Variants in DNA2 observed in about 807,000 individuals in gnomAD.
DNA2 encodes the protein DNA replication ATP-dependent helicase/nuclease DNA2.
A neutral mutation model predicts 119.1 loss-of-function variants in DNA2; 101 were observed. The ratio of observed to expected loss-of-function variants is 0.85; its 90% CI spans 0.72 to 1.00. The LOEUF is 1.00. Ranked by LOEUF, DNA2 falls within the 50% of genes least tolerant of loss-of-function variation. DNA2 has a pLI of 0.00. For missense variants in DNA2, 1,121 were observed against 1,255.5 expected (o/e 0.89, Z 1.62); for synonymous variants, 366 against 424.4 (o/e 0.86, Z 1.69).
At chr10:68,465,908 C>A (rs2052321389) in intron 3 of DNA2, 96 bp from the exon 4 acceptor site, 5 of 1,136,030 alleles carry the variant, frequency 4.4e-6, no homozygotes, top group Non-Finnish European at 5.7e-6. Context: ...AGCCAAAATG[C>A]ACTGGTAAGA....
chr10:68,424,575 T>C (rs2051711196), intron 14 of DNA2: 1 of 989,006 alleles, frequency 1.0e-6, no homozygotes, highest in Non-Finnish European at 1.6e-6. Context: ...GTTCAATCCC[T>C]TCGTGAACTT....
At chr10:68,447,466 G>A (rs893357954) in intron 6 of DNA2, among the ~76,000 whole-genome samples, 35 of 135,564 alleles carry the variant, frequency 2.6e-4, no homozygotes, top group African/African-American at 9.3e-4. Context: ...GCACTGAGTC[G>A]AAATCGTGCC....
chr10:68,449,905 C>T (rs2052094901), intron 6 of DNA2, 123 bp downstream of exon 6: 11 of 663,936 alleles, frequency 1.7e-5, no homozygotes, highest in South Asian at 1.2e-4. Flanking sequence ...ACCCAGGAGG[C>T]GGAGCTTTCA....
intron 8 of DNA2, among the ~76,000 whole-genome samples, chr10:68,444,672 C>T (rs1446473483): frequency 2.1e-5 from 3 of 144,748 alleles, no homozygotes; most frequent in African/African-American, 2.6e-5. Context: ...TGTGGTGAGC[C>T]GAGATTGCAC....
rs1345406663 is a variant in DNA2, at chr10:68,431,889, T to C, written c.1956A>G (p.Thr652=). 4 of 1,613,352 alleles carry C rather than the reference T, an allele frequency of 2.5e-6. No homozygotes were observed. The highest frequency in any genetic ancestry group is 2.5e-6 in the Non-Finnish European group (3 of 1,179,548). The change falls in exon 13 of 21, where the codon ACA becomes ACG. Residue 652 remains threonine (T), a synonymous_variant. Coordinates refer to ENST00000358410, the MANE Select transcript of DNA2 (RefSeq NM_001080449.3). ...DYTLIVGMPG[T]GKTTTICTLV... ...GAGTACATATCGTAGTTGTTTTTCC[T>C]GTCCCAGGCATACCCACGATGAGTG...
chr10:68,457,391 T>C (rs1387947421), intron 5 of DNA2, among the ~76,000 whole-genome samples: 1 of 152,154 alleles, frequency 6.6e-6, no homozygotes, highest in African/African-American at 2.4e-5. Context: ...GTTCACTACT[T>C]CATTTCCTTT....
In DNA2 at chr10:68,450,114, G is replaced by A. The variant is rs755554183; in HGVS notation, c.853C>T (p.His285Tyr). 1.2e-6 allele frequency: 2 copies of A among 1,605,042 alleles called. No individual in the cohort carries two copies. The highest frequency in any genetic ancestry group is 1.3e-5 in the African/African-American group (1 of 74,790). The change falls in exon 6 of 21, where the codon CAT becomes TAT. Residue 285 changes from histidine to tyrosine, a missense_variant. Transcript: ENST00000358410. ...KIDVTVGVKI[H>Y]RGYKTKYKIM... ...TTGTATTTTGTTTTATACCCTCGAT[G>A]TATTTTCACACCAACTGTAACATCT...
upstream of DNA2, chr10:68,472,068 T>A (rs751450216): frequency 6.3e-7 from 1 of 1,589,524 alleles, no homozygotes; most frequent in Non-Finnish European, 8.6e-7. Flanking sequence ...GCAGCAGGGC[T>A]CTGTCCCCTG....
chr10:68,437,637 CA>C (rs1226775191), intron 9 of DNA2, among the ~76,000 whole-genome samples: 2 of 143,046 alleles, frequency 1.4e-5, no homozygotes, highest in African/African-American at 5.5e-5. Context: ...ACAACAAGAG[CA>C]AAACCACCTC....
chr10:68,456,342 A>G (rs10998190), intron 5 of DNA2, among the ~76,000 whole-genome samples: 21,360 of 152,226 alleles, frequency 0.14, 2,169 homozygotes, highest in African/African-American at 0.28. Context: ...ATCCAGGCTC[A>G]TTATATCATT....
At chr10:68,432,617 A>T in intron 10 of DNA2, 107 bp from the exon 11 acceptor site, 3 of 706,706 alleles carry the variant, frequency 4.2e-6, no homozygotes, top group Non-Finnish European at 7.3e-6. Flanking sequence ...ATAGCTATTA[A>T]AATAGCTACC....
intron 4 of DNA2, among the ~76,000 whole-genome samples, chr10:68,461,706 T>C (rs2052261012): frequency 6.6e-6 from 1 of 151,492 alleles, no homozygotes; most frequent in Non-Finnish European, 1.5e-5. Context: ...TGCATGCCTG[T>C]AATCCCAGCT....
rs549572229 is a variant in DNA2, at chr10:68,414,178, A to G, written c.*861T>C. ...TAACACTCATTAAAAAAAACCCTCA[A>G]GAGAAATGGAAGATTTCCAAGCCCC... On this transcript the variant is annotated 3_prime_UTR_variant, in exon 21 of 21. Coordinates refer to ENST00000358410, the MANE Select transcript of DNA2 (RefSeq NM_001080449.3). 2.0e-5 allele frequency: 3 copies of G among 152,066 alleles called. No individual in the cohort carries two copies. The highest frequency in any genetic ancestry group is 4.2e-4 in the South Asian group (2 of 4,818). 9.4% of individuals were successfully genotyped at this position (152,066 alleles called of 1,614,324 possible).
intron 7 of DNA2, among the ~76,000 whole-genome samples, 157 bp from the exon 8 acceptor site, chr10:68,445,240 G>A (rs1455375894): frequency 2.0e-5 from 3 of 152,158 alleles, no homozygotes; most frequent in African/African-American, 7.2e-5. Flanking sequence ...TGAGGTGGGC[G>A]GATCACCTGA....
At chr10:68,438,597 T>C (rs943001749) in intron 9 of DNA2, among the ~76,000 whole-genome samples, 2 of 152,148 alleles carry the variant, frequency 1.3e-5, no homozygotes, top group African/African-American at 4.8e-5. Flanking sequence ...AGCTTATTAG[T>C]ATTTATATAT....
chr10:68,422,560 T>C lies in DNA2; in HGVS notation c.2447A>G (p.Asn816Ser), dbSNP rs777394634. The C allele has an allele frequency of 5.0e-6, 8 of 1,614,056 alleles. No homozygotes were observed. Among genetic ancestry groups the C allele is most frequent in the Non-Finnish European group, 6.8e-6 (8 of 1,179,898 alleles). The change falls in exon 16 of 21, where the codon AAT (asparagine) becomes AGT (serine). Residue 816 changes from asparagine (N) to serine (S), a missense_variant. Coordinates refer to ENST00000358410, the MANE Select transcript of DNA2 (RefSeq NM_001080449.3). ...SESLFKRLEQ[N>S]KSAVVQLTVQ... is the part of the protein sequence containing the mutation. The stretch of plus-strand genomic sequence containing the variant: ...GGTTAACTGTACAACAGCACTCTTA[T>C]TCTGCTCCAGCCTCTTGAATAAGCT...
At chr10:68,470,925 A>G (rs2052375392) in intron 1 of DNA2, among the ~76,000 whole-genome samples, 2 of 152,224 alleles carry the variant, frequency 1.3e-5, no homozygotes, top group African/African-American at 4.8e-5. Flanking sequence ...TCCTTTACAG[A>G]GTAATTCAGA....
intron 2 of DNA2, 73 bp from the exon 3 acceptor site, chr10:68,468,379 C>A: frequency 6.1e-6 from 6 of 978,530 alleles, no homozygotes; most frequent in South Asian, 4.4e-5. Flanking sequence ...AGGGAGGCTT[C>A]AAAAAAATAA....
intron 17 of DNA2, among the ~76,000 whole-genome samples, chr10:68,421,042 G>A (rs753634297): frequency 6.6e-6 from 1 of 151,718 alleles, no homozygotes; most frequent in Admixed American, 6.6e-5. Flanking sequence ...AGGTTCAAGC[G>A]ATTCTCCTGC....
Sources: allele counts gnomAD v4.1 joint callset (sites outside exome capture counted in the v4.1 genomes callset), GRCh38; gene constraint gnomAD v4.1.1; transcripts MANE v1.5; gene names NCBI Gene and HGNC (gene_info 2026-07-23, HGNC 2026-07-21).